ZNF600: variants seen among roughly 807,000 people sequenced by gnomAD.
The protein encoded by ZNF600 is zinc finger protein KR-ZNF1.
In ZNF600, 4 loss-of-function variants were observed where a neutral mutation model predicts 7.3. The ratio of observed to expected loss-of-function variants is 0.55; its 90% CI spans 0.27 to 1.25. The LOEUF is 1.25. Among genes scored for constraint, ZNF600 ranks in the 50% most tolerant of loss-of-function variants. The probability of loss-of-function intolerance (pLI) is 0.12; values close to 1 mark genes in which losing one functional copy is unlikely to be tolerated. For synonymous variants in ZNF600, 290 were observed against 308.9 expected (o/e 0.94, Z 0.64); for missense variants, 911 against 922.1 (o/e 0.99, Z 0.16).
At chr19:52,789,237 A>C (rs1414940552), upstream of ZNF600, among the ~76,000 whole-genome samples, 1 of 152,176 alleles carries the variant, frequency 6.6e-6, no homozygotes. Flanking sequence ...GGCCCTGAGA[A>C]AGGAGCAACC....
At chr19:52,776,574 T>C (rs999061600) in intron 2 of ZNF600, among the ~76,000 whole-genome samples, 67 of 152,154 alleles carry the variant, frequency 4.4e-4, no homozygotes, top group African/African-American at 1.6e-3. Context: ...ACTGCGTCCA[T>C]CTAATTTTTG....
intron 1 of ZNF600, among the ~76,000 whole-genome samples, chr19:52,785,814 G>A (rs539254848): frequency 9.2e-5 from 14 of 151,856 alleles, no homozygotes; most frequent in East Asian, 5.8e-4. Flanking sequence ...CCTCACTCTG[G>A]TGAGCCTCCC....
chr19:52,800,695 C>G, the ZNF600 span: 1 of 1,611,064 alleles, frequency 6.2e-7, no homozygotes, highest in Non-Finnish European at 8.5e-7. Context: ...TCTTCACATT[C>G]ATAAGGTTTC....
chr19:52,796,080 T>C, the ZNF600 span, among the ~76,000 whole-genome samples: 13 of 152,128 alleles, frequency 8.5e-5, no homozygotes, highest in African/African-American at 3.1e-4. Context: ...GAGGCTGAAA[T>C]GGGAGGATCC....
At chr19:52,782,109 T>C (rs144884917) in intron 1 of ZNF600, among the ~76,000 whole-genome samples, 5,452 of 152,012 alleles carry the variant, frequency 0.036, 195 homozygotes, top group African/African-American at 0.091. Context: ...GTGCCTGTGG[T>C]CCCAGCTACT....
the ZNF600 span, among the ~76,000 whole-genome samples, chr19:52,801,870 T>C: frequency 2.0e-5 from 3 of 152,174 alleles, no homozygotes; most frequent in Non-Finnish European, 2.9e-5. Flanking sequence ...TAAAGGGCGA[T>C]TATATGTCTT....
chr19:52,782,710 A>G (rs963817252), intron 1 of ZNF600, among the ~76,000 whole-genome samples: 1 of 152,070 alleles, frequency 6.6e-6, no homozygotes, highest in East Asian at 1.9e-4. Context: ...TGTCTCTACT[A>G]AAAATACAAA....
At chr19:52,832,356 G>A in the ZNF600 span, among the ~76,000 whole-genome samples, 2 of 152,122 alleles carry the variant, frequency 1.3e-5, no homozygotes, top group Non-Finnish European at 2.9e-5. Flanking sequence ...AGCACTTTGG[G>A]AGGCTAAGGT....
intron 1 of ZNF600, chr19:52,780,804 C>T (rs1468080861): frequency 1.3e-5 from 2 of 152,192 alleles, no homozygotes; most frequent in African/African-American, 4.8e-5. Context: ...CTAAGTTTCT[C>T]TTTATATTAT....
the ZNF600 span, among the ~76,000 whole-genome samples, chr19:52,815,625 C>T: frequency 6.8e-6 from 1 of 146,426 alleles, no homozygotes; most frequent in African/African-American, 2.7e-5. Flanking sequence ...GAGATCGAGA[C>T]CATCCTGGCT....
At chr19:52,785,304 C>CCGGTGCGAT (rs902563618) in intron 1 of ZNF600, among the ~76,000 whole-genome samples, 1 of 151,412 alleles carries the variant, frequency 6.6e-6, no homozygotes, top group Non-Finnish European at 1.5e-5. Flanking sequence ...CTGGAGTGCA[C>CCGGTGCGAT]CGGTGCGATC....
At chr19:52,767,644 C>T (rs1324466559) in exon 4 of ZNF600, 1 of 1,613,920 alleles carries the variant, frequency 6.2e-7, no homozygotes, top group Non-Finnish European at 8.5e-7. Flanking sequence ...ATTTCTTTCT[C>T]AATTTCCTGG....
At chr19:52,798,908 A>C in the ZNF600 span, 1 of 1,436,982 alleles carries the variant, frequency 7.0e-7, no homozygotes, top group Admixed American at 1.9e-5. Flanking sequence ...CTGCCCACTA[A>C]AGGCTTTGCC....
the ZNF600 span, among the ~76,000 whole-genome samples, chr19:52,793,485 C>G: frequency 6.6e-6 from 1 of 152,208 alleles, no homozygotes; most frequent in Admixed American, 6.5e-5. Flanking sequence ...CAACATCACC[C>G]TCCCAACAAA....
At chr19:52,805,866 G>C in the ZNF600 span, 1 of 151,952 alleles carries the variant, frequency 6.6e-6, no homozygotes, top group East Asian at 1.9e-4. Flanking sequence ...TGTAATCCCA[G>C]CTTCTCAGGG....
At chr19:52,777,159 T>A (rs760446818) in intron 2 of ZNF600, among the ~76,000 whole-genome samples, 1 of 151,968 alleles carries the variant, frequency 6.6e-6, no homozygotes, top group Non-Finnish European at 1.5e-5. Context: ...GGTGGATGAA[T>A]CACAAGGTCA....
At chr19:52,813,079 C>T in the ZNF600 span, among the ~76,000 whole-genome samples, 9 of 151,964 alleles carry the variant, frequency 5.9e-5, no homozygotes, top group Admixed American at 2.6e-4. Flanking sequence ...CCTAAATCTC[C>T]AGTTGTGGTA....
chr19:52,819,201 C>G, the ZNF600 span, among the ~76,000 whole-genome samples: 1 of 135,832 alleles, frequency 7.4e-6, no homozygotes, highest in African/African-American at 2.9e-5. Context: ...CTGGCAGGGA[C>G]CCTGAACACA....
At chr19:52,816,856 AATAAT>A in the ZNF600 span, among the ~76,000 whole-genome samples, 2 of 131,250 alleles carry the variant, frequency 1.5e-5, no homozygotes, top group Non-Finnish European at 3.3e-5. Context: ...TAATAATAAT[AATAAT>A]AATAATAATA....
Sources: gnomAD v4.1 joint callset for allele counts (sites outside exome capture counted in the v4.1 genomes callset) on GRCh38, gnomAD v4.1.1 for gene constraint, MANE v1.5 for transcripts, NCBI Gene and HGNC (gene_info 2026-07-23, HGNC 2026-07-21) for gene names.